Variants in UVSSA observed in about 807,000 individuals in gnomAD.
UVSSA encodes UV-stimulated scaffold protein A.
Under a neutral mutation model 73.9 loss-of-function variants are expected in UVSSA, and 72 were observed. That is an observed-to-expected ratio of 0.97 (90% CI 0.81 to 1.19). UVSSA has a LOEUF of 1.19. UVSSA is among the 50% of genes most tolerant of loss of function. The probability of loss-of-function intolerance (pLI) is 0.00; values close to 1 mark genes in which losing one functional copy is unlikely to be tolerated. For missense variants in UVSSA, 1,150 were observed against 965.0 expected (o/e 1.19, Z -2.54); for synonymous variants, 454 against 391.3 (o/e 1.16, Z -1.89).
upstream of UVSSA, among the ~76,000 whole-genome samples, chr4:1,346,632 C>A (rs1299140058): frequency 1.3e-5 from 2 of 152,100 alleles, no homozygotes; most frequent in Admixed American, 6.5e-5. Flanking sequence ...AGCGGGGAGG[C>A]GCCGCGGGGT....
At chr4:1,375,953 C>G in intron 9 of UVSSA, 81 bp from the exon 10 acceptor site, 2 of 1,537,716 alleles carry the variant, frequency 1.3e-6, no homozygotes, top group Non-Finnish European at 1.7e-6. Flanking sequence ...CCCAGCCTTG[C>G]TGTGGGGGTG....
Position 1,353,138 on chromosome 4 carries a change from C to G in UVSSA, c.659C>G (p.Ala220Gly), listed in dbSNP as rs775424662. The change falls in exon 5 of 14, where the codon GCT becomes GGT. Residue 220 changes from alanine to glycine, a missense_variant. By Grantham distance (60) the Ala-to-Gly change is moderately conservative (BLOSUM62 0). Coordinates refer to ENST00000389851, the MANE Select transcript of UVSSA (RefSeq NM_020894.4). ...CCGGAGACGGAATCCCTTGGCATGG[C>G]TTCTGGCATGTCCGATGCCCTTCGC... The part of the protein sequence containing the change: ...PNPETESLGM[A>G]SGMSDALRSS... The G allele has an allele frequency of 6.2e-6, 10 of 1,613,056 alleles. No homozygotes were observed. The East Asian group carries it at 2.2e-4, about 36-fold the overall frequency.
downstream of UVSSA, chr4:1,388,126 G>T (rs569979040): frequency 3.3e-5 from 5 of 151,788 alleles, no homozygotes; most frequent in Non-Finnish European, 7.4e-5. Context: ...CAGTATATAA[G>T]TTTCTCACTT....
intron 7 of UVSSA, chr4:1,357,867 C>T (rs1473531971): frequency 1.3e-5 from 2 of 152,328 alleles, no homozygotes; most frequent in Non-Finnish European, 2.9e-5. Flanking sequence ...GGGCCAGGGC[C>T]CATAACACGG....
At chr4:1,376,555 C>T (rs1405643000) in intron 10 of UVSSA, among the ~76,000 whole-genome samples, 5 of 152,194 alleles carry the variant, frequency 3.3e-5, no homozygotes, top group Admixed American at 1.3e-4. Context: ...CAGCTGCTCA[C>T]GGTGACCGTG....
intron 13 of UVSSA, chr4:1,385,656 G>C: frequency 1.7e-6 from 1 of 587,656 alleles, no homozygotes. Context: ...TCTGGGACCT[G>C]GGGCGGCCCT....
chr4:1,394,425 T>C, exon 14 of UVSSA: 2 of 1,588,864 alleles, frequency 1.3e-6, no homozygotes, highest in Non-Finnish European at 8.6e-7. Context: ...AAATCATTGA[T>C]CTACTTCTAG....
chr4:1,352,775 G>T (rs1264143104), intron 4 of UVSSA, among the ~76,000 whole-genome samples: 1 of 152,248 alleles, frequency 6.6e-6, no homozygotes, highest in Non-Finnish European at 1.5e-5. Flanking sequence ...AACATAGCAG[G>T]ACCCTGTTTC....
At chr4:1,371,010 C>T (rs1717961564) in intron 8 of UVSSA, among the ~76,000 whole-genome samples, 1 of 152,218 alleles carries the variant, frequency 6.6e-6, no homozygotes, top group African/African-American at 2.4e-5. Flanking sequence ...CTCATGCCTC[C>T]TCATTCTCCT....
chr4:1,350,025 G>C (rs1714450876), intron 3 of UVSSA, among the ~76,000 whole-genome samples, 171 bp downstream of exon 3: 3 of 152,218 alleles, frequency 2.0e-5, no homozygotes, highest in Admixed American at 2.0e-4. Flanking sequence ...AAAGAGGGCA[G>C]CATCTAGGGT....
chr4:1,353,633 C>T (rs1258506133), intron 5 of UVSSA, among the ~76,000 whole-genome samples: 1 of 152,208 alleles, frequency 6.6e-6, no homozygotes, highest in South Asian at 2.1e-4. Flanking sequence ...CTTCTAAGAG[C>T]TCATGGCAGC....
intron 5 of UVSSA, among the ~76,000 whole-genome samples, chr4:1,353,931 G>A (rs777222709): frequency 2.0e-5 from 3 of 152,338 alleles, no homozygotes; most frequent in Admixed American, 2.0e-4. Context: ...GGATTGCAGA[G>A]ACATAGCCGC....
At chr4:1,352,717 C>T (rs1006719986) in intron 4 of UVSSA, among the ~76,000 whole-genome samples, 1 of 152,242 alleles carries the variant, frequency 6.6e-6, no homozygotes, top group African/African-American at 2.4e-5. Flanking sequence ...TTTGGGAGGC[C>T]AGGGCAGGCG....
At chr4:1,388,900 T>C (rs1239455862), downstream of UVSSA, 1 of 152,204 alleles carries the variant, frequency 6.6e-6, no homozygotes, top group African/African-American at 2.4e-5. Context: ...GCTGTAGTCT[T>C]TTTGTGATGT....
At chr4:1,380,251 C>T (rs781188896) in intron 11 of UVSSA, 21 bp downstream of exon 11, 58 of 1,596,842 alleles carry the variant, frequency 3.6e-5, no homozygotes, top group Middle Eastern at 3.6e-4. Flanking sequence ...GGCCCGAGGG[C>T]GGGGGTGGGT....
intron 5 of UVSSA, among the ~76,000 whole-genome samples, chr4:1,353,792 C>G (rs977583913): frequency 5.3e-5 from 8 of 152,150 alleles, no homozygotes; most frequent in South Asian, 2.1e-4. Flanking sequence ...GTGGGCATCC[C>G]GTCAGCTCAC....
At chr4:1,349,028 G>A (rs1425489619) in intron 2 of UVSSA, among the ~76,000 whole-genome samples, 2 of 135,152 alleles carry the variant, frequency 1.5e-5, no homozygotes, top group Non-Finnish European at 3.3e-5. Flanking sequence ...TGCGGTTTGT[G>A]CCAGGCGGTG....
intron 7 of UVSSA, chr4:1,358,483 T>A (rs1716125899): frequency 1.3e-5 from 2 of 152,266 alleles, no homozygotes; most frequent in Admixed American, 6.5e-5. Flanking sequence ...CGTTCTGAAG[T>A]CCTTGGAGAT....
intron 10 of UVSSA, among the ~76,000 whole-genome samples, chr4:1,377,040 C>A (rs1718860043): frequency 6.6e-6 from 1 of 152,232 alleles, no homozygotes; most frequent in Admixed American, 6.5e-5. Flanking sequence ...TGTGCAAACA[C>A]CGTAACCACT....
Sources: allele counts gnomAD v4.1 joint callset (sites outside exome capture counted in the v4.1 genomes callset), GRCh38; gene constraint gnomAD v4.1.1; transcripts MANE v1.5; gene names NCBI Gene and HGNC (gene_info 2026-07-23, HGNC 2026-07-21).